UBR3: variants seen among roughly 807,000 people sequenced by gnomAD.
UBR3 encodes ubiquitin protein ligase E3 component n-recognin 3.
A neutral mutation model predicts 243.2 loss-of-function variants in UBR3; 85 were observed. That is an observed-to-expected ratio of 0.35 (90% CI 0.29 to 0.42). The LOEUF is 0.42. Ranked by LOEUF, UBR3 falls within the 10% of genes least tolerant of loss-of-function variation. The pLI, the probability that UBR3 is intolerant of heterozygous loss-of-function variation, is 1.00. For missense variants in UBR3, 1,686 were observed against 2,300.8 expected (o/e 0.73, Z 5.47); for synonymous variants, 748 against 799.8 (o/e 0.94, Z 1.09).
intron 24 of UBR3, among the ~76,000 whole-genome samples, chr2:169,965,906 A>G (rs1361989620): frequency 6.6e-6 from 1 of 152,196 alleles, no homozygotes; most frequent in Admixed American, 6.5e-5. Flanking sequence ...TGTATATAAC[A>G]AAAATTCTAA....
chr2:169,927,188 G>A (rs73015753), intron 16 of UBR3, 132 bp from the exon 17 acceptor site: 49,369 of 996,856 alleles, frequency 0.05, 1,324 homozygotes, highest in Middle Eastern at 0.058. Flanking sequence ...TATGTTTGGA[G>A]CATAGCTTCT....
chr2:169,939,615 G>A (rs955569921), intron 19 of UBR3, among the ~76,000 whole-genome samples: 3 of 149,550 alleles, frequency 2.0e-5, no homozygotes, highest in African/African-American at 7.4e-5. Flanking sequence ...CCAGGCTGGT[G>A]TGTAGTGGTG....
intron 30 of UBR3, among the ~76,000 whole-genome samples, chr2:170,024,369 A>AAT (rs1422099349): frequency 6.6e-6 from 1 of 151,372 alleles, no homozygotes; most frequent in Non-Finnish European, 1.5e-5. Context: ...AAAAAAAAAA[A>AAT]AAAAAAGAGA....
intron 36 of UBR3, among the ~76,000 whole-genome samples, chr2:170,075,920 A>G (rs1384133264): frequency 2.6e-5 from 4 of 152,120 alleles, no homozygotes; most frequent in African/African-American, 9.7e-5. Flanking sequence ...ACAGAAAAAA[A>G]AAAAAAAACA....
intron 30 of UBR3, among the ~76,000 whole-genome samples, chr2:170,025,835 A>G (rs2090514575): frequency 6.6e-6 from 1 of 152,162 alleles, no homozygotes; most frequent in Non-Finnish European, 1.5e-5. Context: ...CATTCACTCA[A>G]ATAGCAATTA....
intron 22 of UBR3, chr2:169,949,352 G>A: frequency 3.0e-6 from 1 of 336,146 alleles, no homozygotes; most frequent in Non-Finnish European, 5.4e-6. Flanking sequence ...CTTAAGCTTT[G>A]TCTGTTTTCA....
intron 8 of UBR3, among the ~76,000 whole-genome samples, chr2:169,903,309 C>G (rs2084899482): frequency 1.3e-5 from 2 of 152,098 alleles, no homozygotes; most frequent in African/African-American, 2.4e-5. Flanking sequence ...GCTTATTCAT[C>G]CTCTGGTTTC....
intron 1 of UBR3, among the ~76,000 whole-genome samples, chr2:169,857,215 C>T (rs2082917513): frequency 6.7e-6 from 1 of 150,272 alleles, no homozygotes; most frequent in Non-Finnish European, 1.5e-5. Context: ...CTGGGACTTA[C>T]AGGCACGTGT....
chr2:169,994,664 T>C (rs900452576), intron 26 of UBR3, among the ~76,000 whole-genome samples: 5 of 152,242 alleles, frequency 3.3e-5, no homozygotes, highest in Non-Finnish European at 5.9e-5. Context: ...TAAATGTTGT[T>C]TGTTGTGTGA....
At chr2:169,841,877 G>A (rs1359076280) in intron 1 of UBR3, among the ~76,000 whole-genome samples, 1 of 152,196 alleles carries the variant, frequency 6.6e-6, no homozygotes, top group Non-Finnish European at 1.5e-5. Flanking sequence ...CCTACTCCAC[G>A]GTGCCCAGTC....
intron 31 of UBR3, among the ~76,000 whole-genome samples, chr2:170,032,972 T>G (rs2090720088): frequency 6.6e-6 from 1 of 152,200 alleles, no homozygotes; most frequent in East Asian, 1.9e-4. Context: ...ATAAACTAAA[T>G]TAGCAAACTG....
At chr2:169,893,415 A>T (rs1006052149) in intron 6 of UBR3, among the ~76,000 whole-genome samples, 6 of 152,232 alleles carry the variant, frequency 3.9e-5, no homozygotes, top group African/African-American at 1.4e-4. Flanking sequence ...GATTAATAGT[A>T]CTAGTTTTAT....
intron 6 of UBR3, among the ~76,000 whole-genome samples, chr2:169,894,558 T>C (rs909708703): frequency 6.6e-6 from 1 of 152,156 alleles, no homozygotes; most frequent in South Asian, 2.1e-4. Flanking sequence ...TAATAAGGAC[T>C]GATTCAAGCC....
intron 24 of UBR3, among the ~76,000 whole-genome samples, chr2:169,980,757 T>G (rs2088687511): frequency 1.6e-5 from 2 of 121,540 alleles, no homozygotes; most frequent in African/African-American, 3.2e-5. Context: ...CCTAATGCTA[T>G]CCCTCCCCCC....
chr2:169,994,479 T>C (rs747860193), intron 26 of UBR3, 23 bp downstream of exon 26: 7 of 1,582,542 alleles, frequency 4.4e-6, no homozygotes, highest in East Asian at 2.2e-5. Flanking sequence ...TATAAAATAG[T>C]ACTTTTGTCT....
chr2:170,079,389 C>T (rs1441570547), intron 36 of UBR3, among the ~76,000 whole-genome samples: 2 of 152,114 alleles, frequency 1.3e-5, no homozygotes, highest in Admixed American at 6.6e-5. Flanking sequence ...TAACCATGAT[C>T]TGTCCTAAAG....
intron 32 of UBR3, among the ~76,000 whole-genome samples, chr2:170,045,285 C>T (rs1185840593): frequency 6.6e-6 from 1 of 152,096 alleles, no homozygotes; most frequent in East Asian, 1.9e-4. Context: ...GGAACCACCC[C>T]CATGATTCAG....
intron 7 of UBR3, 81 bp from the exon 8 acceptor site, chr2:169,896,426 G>C (rs1018919995): frequency 2.2e-6 from 2 of 897,660 alleles, no homozygotes; most frequent in Non-Finnish European, 3.2e-6. Flanking sequence ...GCTGTAAAAT[G>C]TTAACATGAT....
intron 1 of UBR3, among the ~76,000 whole-genome samples, chr2:169,840,592 G>A (rs2082258795): frequency 6.6e-6 from 1 of 152,170 alleles, no homozygotes; most frequent in Admixed American, 6.5e-5. Context: ...TCTACTGGGT[G>A]TTGCCCTTGT....
Sources: allele counts gnomAD v4.1 joint callset (sites outside exome capture counted in the v4.1 genomes callset), GRCh38; gene constraint gnomAD v4.1.1; transcripts MANE v1.5; gene names NCBI Gene and HGNC (gene_info 2026-07-23, HGNC 2026-07-21).